Variants in ABCB5 observed in about 807,000 individuals in gnomAD.
The protein encoded by ABCB5 is ATP binding cassette subfamily B member 5, also known as ATP-binding cassette sub-family B member 5.
ABCB5 carries 155 observed loss-of-function variants against 144.2 expected under a neutral mutation model. The ratio of observed to expected loss-of-function variants is 1.08; its 90% CI spans 0.94 to 1.23. The LOEUF (loss-of-function observed/expected upper bound fraction) is 1.23, where lower values mean the gene tolerates loss of function less well. Ranked by LOEUF, ABCB5 falls within the 50% of genes most tolerant of loss-of-function variation. ABCB5 has a pLI of 0.00. For missense variants in ABCB5, 1,830 were observed against 1,520.8 expected (o/e 1.20, Z -3.38); for synonymous variants, 610 against 528.6 (o/e 1.15, Z -2.11).
intron 26 of ABCB5, among the ~76,000 whole-genome samples, chr7:20,747,374 G>C (rs954039165): frequency 3.3e-5 from 5 of 152,256 alleles, no homozygotes; most frequent in Admixed American, 2.0e-4. Flanking sequence ...AGGCTCACCT[G>C]AGTCTCCCGA....
chr7:20,633,884 T>C (rs913865516), intron 5 of ABCB5, among the ~76,000 whole-genome samples: 5 of 152,116 alleles, frequency 3.3e-5, no homozygotes, highest in Non-Finnish European at 5.9e-5. Context: ...ATTTTGTTTA[T>C]AGATTTAGGG....
rs371122878 is a variant in ABCB5, at chr7:20,646,125, G to A, written c.968G>A (p.Gly323Glu). The A allele has an allele frequency of 6.5e-5, 105 of 1,612,386 alleles. No homozygotes were observed. The highest frequency in any genetic ancestry group is 8.7e-5 in the Non-Finnish European group (103 of 1,179,426). ...AATGGAGAACCTGGATATACCATCG[G>A]GACTGTTCTTGCTGTAAGTCTTGTT... ...ILNGEPGYTI[G>E]TVLAVFFSVI... Residue 323 changes from glycine to glutamate, a missense_variant, in exon 9 of 28, where the codon GGG becomes GAG. Coordinates refer to ENST00000404938, the MANE Select transcript of ABCB5 (RefSeq NM_001163941.2).
chr7:20,620,377 C>A lies in ABCB5; in HGVS notation c.-21-2888C>A, dbSNP rs145311648. 1.8e-3 allele frequency among the ~76,000 whole-genome samples: 274 copies of A among 151,994 alleles called. 1 individual carries two copies. The highest frequency in any genetic ancestry group is 6.4e-3 in the African/African-American group (265 of 41,468). On this transcript the variant is annotated intron_variant, in intron 1 of 27. Transcript: ENST00000404938. ...TTAGATATGATGCCAAAAACACACACAAAAACAATAAAAACGTAGATAATT... is the reference window on the plus strand; with the variant it reads ...TTAGATATGATGCCAAAAACACACAAAAAAACAATAAAAACGTAGATAATT...
chr7:20,689,832 T>C (rs1583428022), intron 16 of ABCB5, among the ~76,000 whole-genome samples: 1 of 152,160 alleles, frequency 6.6e-6, no homozygotes, highest in East Asian at 1.9e-4. Context: ...AAAAGTGAAT[T>C]TGAACCAGAG....
intron 16 of ABCB5, among the ~76,000 whole-genome samples, chr7:20,691,879 C>T (rs955735417): frequency 5.3e-5 from 8 of 151,870 alleles, no homozygotes; most frequent in Non-Finnish European, 1.0e-4. Flanking sequence ...TTTACAATGT[C>T]TGGCATCCAT....
At chr7:20,702,656 T>A (rs1012345396) in intron 19 of ABCB5, among the ~76,000 whole-genome samples, 32 of 4,204 alleles carry the variant, frequency 7.6e-3, no homozygotes, top group Admixed American at 0.051. Flanking sequence ...ATATAATGGA[T>A]TTTTTTTTTT....
At chr7:20,716,477 CTT>C (rs981387315) in intron 20 of ABCB5, among the ~76,000 whole-genome samples, 56 of 152,040 alleles carry the variant, frequency 3.7e-4, no homozygotes, top group Admixed American at 4.6e-4. Flanking sequence ...TTTAGGAGCA[CTT>C]TCCAGGAACC....
Position 20,645,808 on chromosome 7 carries a change from C to G in ABCB5, c.731C>G (p.Ala244Gly). 2 of 1,613,828 alleles carry G rather than the reference C, an allele frequency of 1.2e-6. No homozygotes were observed. Among genetic ancestry groups the G allele is most frequent in the Middle Eastern group, 3.3e-4 (2 of 6,062 alleles). Residue 244 changes from alanine (A) to glycine (G), a missense_variant, in exon 8 of 28, where the codon GCT becomes GGT. Coordinates refer to ENST00000404938, the MANE Select transcript of ABCB5 (RefSeq NM_001163941.2). ...TTAAGTGCCTATTCCAAAGCTGGGG[C>G]TGTGGCAGAAGAAGTCTTGTCATCA... The part of the protein sequence containing the change: ...KELSAYSKAG[A>G]VAEEVLSSIR...
intron 14 of ABCB5, among the ~76,000 whole-genome samples, chr7:20,672,594 G>T (rs1345816068): frequency 6.6e-6 from 1 of 152,080 alleles, no homozygotes; most frequent in Admixed American, 6.6e-5. Flanking sequence ...GAGAAAGAAA[G>T]AAATATTTGC....
intron 1 of ABCB5, among the ~76,000 whole-genome samples, chr7:20,616,660 T>G (rs1783692488): frequency 6.6e-6 from 1 of 152,212 alleles, no homozygotes; most frequent in Non-Finnish European, 1.5e-5. Flanking sequence ...GCAATTAAGA[T>G]GTTCAGAGTT....
intron 14 of ABCB5, among the ~76,000 whole-genome samples, chr7:20,660,814 T>C (rs778282003): frequency 2.0e-5 from 3 of 152,210 alleles, no homozygotes; most frequent in South Asian, 2.1e-4. Context: ...TCCCTGGTGA[T>C]AGAATCTATA....
At chr7:20,679,455 G>A (rs1382582279) in intron 14 of ABCB5, among the ~76,000 whole-genome samples, 1 of 76,958 alleles carries the variant, frequency 1.3e-5, no homozygotes. Flanking sequence ...TGGGCAACAA[G>A]AGCTAAACTC....
At chr7:20,667,423 C>T in intron 14 of ABCB5, 2 of 985,568 alleles carry the variant, frequency 2.0e-6, no homozygotes, top group Non-Finnish European at 2.4e-6. Flanking sequence ...CAGAAGGATA[C>T]ATGGAATTCT....
intron 19 of ABCB5, among the ~76,000 whole-genome samples, chr7:20,701,768 CAT>C (rs1261956376): frequency 3.3e-5 from 5 of 152,176 alleles, no homozygotes; most frequent in African/African-American, 1.2e-4. Flanking sequence ...CCACTTAGCA[CAT>C]GTTATTAAAT....
chr7:20,665,045 A>G (rs1005070127), intron 14 of ABCB5, among the ~76,000 whole-genome samples: 6 of 152,230 alleles, frequency 3.9e-5, no homozygotes, highest in Non-Finnish European at 8.8e-5. Context: ...AGAAGTGACA[A>G]TGAAGAGATT....
intron 4 of ABCB5, among the ~76,000 whole-genome samples, 157 bp from the exon 5 acceptor site, chr7:20,631,902 G>C (rs548117022): frequency 3.3e-5 from 5 of 152,228 alleles, no homozygotes; most frequent in African/African-American, 1.2e-4. Context: ...TCCAGTTCTA[G>C]GTTAAAGAAT....
At chr7:20,732,826 C>T (rs572655941) in intron 23 of ABCB5, among the ~76,000 whole-genome samples, 38 of 152,234 alleles carry the variant, frequency 2.5e-4, no homozygotes, top group Non-Finnish European at 4.7e-4. Context: ...ATTTCTCAGT[C>T]GAAGAATGAT....
chr7:20,731,781 A>G (rs1251632161), intron 23 of ABCB5, among the ~76,000 whole-genome samples: 2 of 152,120 alleles, frequency 1.3e-5, no homozygotes, highest in Non-Finnish European at 2.9e-5. Flanking sequence ...ATTGTCCACC[A>G]CATAAATCAC....
intron 11 of ABCB5, 35 bp downstream of exon 11, chr7:20,648,113 T>C (rs778815031): frequency 1.6e-6 from 2 of 1,228,420 alleles, no homozygotes; most frequent in South Asian, 2.5e-5. Flanking sequence ...TGTGCAGTTT[T>C]CTGATATTAT....
Sources: gnomAD v4.1 joint callset for allele counts (sites outside exome capture counted in the v4.1 genomes callset) on GRCh38, gnomAD v4.1.1 for gene constraint, MANE v1.5 for transcripts, NCBI Gene and HGNC (gene_info 2026-07-23, HGNC 2026-07-21) for gene names.